RDX: variants seen among roughly 807,000 people sequenced by gnomAD.
The protein encoded by RDX is deafness, autosomal recessive 24.
In RDX, 32 loss-of-function variants were observed where a neutral mutation model predicts 83.7. That is an observed-to-expected ratio of 0.38 (90% CI 0.29 to 0.51). The LOEUF (loss-of-function observed/expected upper bound fraction) is 0.51. RDX is among the 20% of genes least tolerant of loss of function. The pLI, the probability that RDX is intolerant of heterozygous loss-of-function variation, is 0.87. For missense variants in RDX, 600 were observed against 689.9 expected (o/e 0.87, Z 1.46); for synonymous variants, 229 against 222.7 (o/e 1.03, Z -0.25).
intron 14 of RDX, among the ~76,000 whole-genome samples, chr11:110,222,437 T>A (rs905292665): frequency 6.6e-6 from 1 of 152,218 alleles, no homozygotes; most frequent in African/African-American, 2.4e-5. Context: ...CCAGGTCTTA[T>A]ATTGTCTGGT....
intron 15 of RDX, among the ~76,000 whole-genome samples, chr11:110,189,261 A>AAAAAAAAAAC (rs1863056901): frequency 6.8e-6 from 1 of 147,478 alleles, no homozygotes; most frequent in Non-Finnish European, 1.5e-5. Context: ...AAAAAAAAAA[A>AAAAAAAAAAC]AAAAAAAGAC....
At chr11:110,282,160 G>A (rs1342215088) in intron 1 of RDX, among the ~76,000 whole-genome samples, 1 of 152,088 alleles carries the variant, frequency 6.6e-6, no homozygotes, top group South Asian at 2.1e-4. Flanking sequence ...ACATTTCATA[G>A]AACAATTTTA....
intron 15 of RDX, among the ~76,000 whole-genome samples, chr11:110,195,300 C>T (rs1450953186): frequency 2.6e-5 from 4 of 152,182 alleles, no homozygotes; most frequent in African/African-American, 9.7e-5. Context: ...ATGTCACAAA[C>T]TGTCACCCAA....
chr11:110,195,138 A>C (rs938043218), intron 15 of RDX, among the ~76,000 whole-genome samples: 5 of 151,960 alleles, frequency 3.3e-5, no homozygotes, highest in African/African-American at 1.2e-4. Context: ...TTACAGGCAC[A>C]CACCACCATG....
intron 15 of RDX, among the ~76,000 whole-genome samples, chr11:110,177,308 C>T (rs1411346487): frequency 6.6e-6 from 1 of 152,198 alleles, no homozygotes; most frequent in Non-Finnish European, 1.5e-5. Flanking sequence ...ATCTGGTGCC[C>T]CCATTGCTGC....
intron 14 of RDX, among the ~76,000 whole-genome samples, chr11:110,210,677 C>A (rs2134255086): frequency 6.6e-6 from 1 of 151,006 alleles, no homozygotes; most frequent in African/African-American, 2.4e-5. Context: ...AGAGTGGGGG[C>A]CAATATTCAA....
intron 15 of RDX, among the ~76,000 whole-genome samples, chr11:110,192,263 G>C (rs952334573): frequency 2.6e-5 from 4 of 152,118 alleles, no homozygotes. Flanking sequence ...TTTTGACAAA[G>C]TTGACAAAAA....
chr11:110,268,307 T>A (rs1480228107), intron 3 of RDX, among the ~76,000 whole-genome samples: 7 of 146,478 alleles, frequency 4.8e-5, no homozygotes, highest in Admixed American at 4.7e-4. Context: ...AGACTCTGTT[T>A]CGGGGAAAAA....
chr11:110,219,767 A>G (rs186112500), intron 14 of RDX, among the ~76,000 whole-genome samples: 40 of 152,356 alleles, frequency 2.6e-4, no homozygotes, highest in Middle Eastern at 3.4e-3. Flanking sequence ...TGAGTTTAAC[A>G]TAAGTTTGAG....
At chr11:110,286,790 C>T (rs1298126575) in intron 1 of RDX, among the ~76,000 whole-genome samples, 1 of 152,168 alleles carries the variant, frequency 6.6e-6, no homozygotes, top group African/African-American at 2.4e-5. Flanking sequence ...AATAAGGCAA[C>T]TCTGGCAGTC....
intron 7 of RDX, among the ~76,000 whole-genome samples, chr11:110,257,105 G>A (rs961807561): frequency 3.3e-5 from 5 of 151,354 alleles, no homozygotes; most frequent in Admixed American, 6.6e-5. Flanking sequence ...ATAATATACC[G>A]TCTCTATATA....
intron 3 of RDX, among the ~76,000 whole-genome samples, chr11:110,266,336 A>C (rs1393707795): frequency 6.6e-6 from 1 of 152,162 alleles, no homozygotes; most frequent in African/African-American, 2.4e-5. Flanking sequence ...CCGTCTCAAA[A>C]AAAAAAAGAA....
chr11:110,273,282 T>A (rs926807016), intron 2 of RDX, among the ~76,000 whole-genome samples: 9 of 152,276 alleles, frequency 5.9e-5, no homozygotes, highest in African/African-American at 1.9e-4. Flanking sequence ...ATTCTTTGAA[T>A]GTGATTCACT....
At chr11:110,268,137 G>C (rs542096977) in intron 3 of RDX, among the ~76,000 whole-genome samples, 1 of 151,830 alleles carries the variant, frequency 6.6e-6, no homozygotes, top group Non-Finnish European at 1.5e-5. Context: ...GTGACACTCT[G>C]TCTCTACTAA....
chr11:110,176,999 T>G (rs1360221720), intron 15 of RDX, among the ~76,000 whole-genome samples: 3 of 152,132 alleles, frequency 2.0e-5, no homozygotes, highest in Non-Finnish European at 2.9e-5. Context: ...CCACCGTGAC[T>G]GAAGCTTTGC....
chr11:110,264,476 A>G (rs568146645), intron 4 of RDX, among the ~76,000 whole-genome samples: 1 of 152,306 alleles, frequency 6.6e-6, no homozygotes, highest in East Asian at 1.9e-4. Flanking sequence ...CATATTCTTG[A>G]GAAGCTTATC....
At chr11:110,287,954 T>C (rs17654297) in intron 1 of RDX, among the ~76,000 whole-genome samples, 3,251 of 152,296 alleles carry the variant, frequency 0.021, 44 homozygotes, top group South Asian at 0.055. Flanking sequence ...TTCGAAACAA[T>C]TACTAGGGCT....
At chr11:110,184,316 C>T (rs1565280039) in intron 15 of RDX, among the ~76,000 whole-genome samples, 2 of 152,222 alleles carry the variant, frequency 1.3e-5, no homozygotes, top group Non-Finnish European at 1.5e-5. Context: ...AGGTGTCATT[C>T]CCAAGCCCAG....
intron 10 of RDX, among the ~76,000 whole-genome samples, chr11:110,247,000 A>C (rs1383469168): frequency 6.6e-6 from 1 of 152,204 alleles, no homozygotes; most frequent in East Asian, 1.9e-4. Context: ...CTTAGAGAGG[A>C]GAAAAACATT....
Sources: allele counts gnomAD v4.1 joint callset (sites outside exome capture counted in the v4.1 genomes callset), GRCh38; gene constraint gnomAD v4.1.1; transcripts MANE v1.5; gene names NCBI Gene and HGNC (gene_info 2026-07-23, HGNC 2026-07-21).